Variants in TTN observed in about 807,000 individuals in gnomAD.
TTN encodes titin, also known as connectin.
A neutral mutation model predicts 3,223.0 loss-of-function variants in TTN; 1,525 were observed. The ratio of observed to expected loss-of-function variants is 0.47; its 90% confidence interval spans 0.45 to 0.49. TTN has a LOEUF of 0.49. Ranked by LOEUF, TTN falls within the 20% of genes least tolerant of loss-of-function variation. The pLI is 0.00. For synonymous variants in TTN, 14,094 were observed against 15,161.0 expected, an observed-to-expected ratio of 0.93 and a Z score of 5.17; for missense variants, 40,786 against 43,424.0, an observed-to-expected ratio of 0.94 and a Z score of 5.40.
In TTN at chr2:178,777,022, G is replaced by A. The variant is rs749309926; in HGVS notation, c.4842C>T (p.Ala1614=). 6.2e-7 allele frequency: 1 copy of A among 1,613,988 alleles called. No individual in the cohort carries two copies. Among genetic ancestry groups the A allele is most frequent in the East Asian group, 2.2e-5 (1 of 44,850 alleles). The change falls in exon 28 of 363, where the codon GCC becomes GCT. Residue 1614 remains alanine (A), a synonymous_variant. Coordinates refer to ENST00000589042, the MANE Select transcript of TTN (RefSeq NM_001267550.2). ...IRIEGTKGEA[A]LKIDSTVSQD... ...GGCTGACAGTGGAATCGATTTTAAG[G>A]GCAGCTTCTCCCTTGGTTCCTTCAA...
Position 178,665,421 on chromosome 2 carries a change from A to G in TTN, c.35999T>C (p.Ile12000Thr). Reference sequence around the variant, plus strand: ...TGGCTCTTCAGGTACATCCTCAAATATTTTCATTTCAGGGACAACTTCTTT... The same window carrying G: ...TGGCTCTTCAGGTACATCCTCAAATGTTTTCATTTCAGGGACAACTTCTTT... ...AMKEVVPEMKIFEDVPEEPET... is the reference protein window; with the variant it reads ...AMKEVVPEMKTFEDVPEEPET... Residue 12000 changes from isoleucine to threonine, a missense_variant, in exon 165 of 363, where the codon ATA becomes ACA. Transcript: ENST00000589042. 1 of 1,612,432 alleles carries G rather than the reference A, an allele frequency of 6.2e-7. No individual in the cohort carries two copies. The highest frequency in any genetic ancestry group is 8.5e-7 in the Non-Finnish European group (1 of 1,179,608).
chr2:178,669,163 G>A (rs2066511836), intron 159 of TTN, among the ~76,000 whole-genome samples: 1 of 152,108 alleles, frequency 6.6e-6, no homozygotes, highest in Non-Finnish European at 1.5e-5. Flanking sequence ...CATACACTCT[G>A]ATAAGTAGAG....
rs72648940 is a variant in TTN at position 178,732,515 on chromosome 2, C to A, written c.16546G>T (p.Asp5516Tyr). The A allele has an allele frequency of 5.3e-4, 862 of 1,613,742 alleles. No homozygotes were observed. Among genetic ancestry groups the A allele is most frequent in the Non-Finnish European group, 6.7e-4 (785 of 1,179,756 alleles). ...SLELYLVKTS[D>Y]SGTYTCKVSN... ...ACTTTACATGTGTACGTGCCCGAAT[C>A]AGAGGTTTTTACTAAATAGAGTTCC... The change falls in exon 56 of 363, where the codon GAT becomes TAT. Residue 5516 changes from aspartate (D) to tyrosine (Y), a missense_variant. Asp to Tyr is a radical substitution (Grantham distance 160, BLOSUM62 -3). Transcript: ENST00000589042.
At chr2:178,771,060 G>T in intron 34 of TTN, 151 bp downstream of exon 34, 1 of 1,265,678 alleles carries the variant, frequency 7.9e-7, no homozygotes, top group South Asian at 1.4e-5. Context: ...TGTACCTTGT[G>T]GAATGTGTCT....
rs1307850517 is a variant in TTN, at chr2:178,528,376, G to A, written c.107275C>T (p.Leu35759Phe). 1 of 1,613,952 alleles carries A rather than the reference G, an allele frequency of 6.2e-7. No individual in the cohort carries two copies. The highest frequency in any genetic ancestry group is 1.7e-5 in the Admixed American group (1 of 60,020). Residue 35759 changes from leucine to phenylalanine, a missense_variant, in exon 361 of 363, where the codon CTT (leucine) becomes TTT (phenylalanine). Transcript: ENST00000589042. ...CTGACTGATGCATTTCGGATTTCAAGGGAGTATACATTTCTGGAGCGGCTT... is the reference window on the plus strand; with the variant it reads ...CTGACTGATGCATTTCGGATTTCAAAGGAGTATACATTTCTGGAGCGGCTT... ...SISRSRNVYS[L>F]EIRNASVSDS...
Position 178,546,836 on chromosome 2 carries a change from G to A in TTN, c.94592C>T (p.Ala31531Val), listed in dbSNP as rs1039995106. The change falls in exon 341 of 363, where the codon GCG becomes GTG. Residue 31531 changes from alanine (A) to valine (V), a missense_variant. By Grantham distance (64) the Ala-to-Val change is moderately conservative (BLOSUM62 0). Coordinates refer to ENST00000589042, the MANE Select transcript of TTN (RefSeq NM_001267550.2). ...CACAACCTTGCTGCCTCCATCATAC[G>A]CTGGGGCAGACCAAATCAGTGATAC... is the stretch of plus-strand genomic sequence containing the variant. ...STVSLIWSAP[A>V]YDGGSKVVGY... 1.9e-6 allele frequency: 3 copies of A among 1,608,174 alleles called. No individual in the cohort carries two copies. The highest frequency in any genetic ancestry group is 1.7e-5 in the Admixed American group (1 of 59,870).
In TTN at chr2:178,704,880, T is replaced by G; in HGVS notation, c.29691A>C (p.Thr9897=). The G allele has an allele frequency of 6.2e-7, 1 of 1,613,260 alleles. No individual in the cohort carries two copies. The highest frequency in any genetic ancestry group is 8.5e-7 in the Non-Finnish European group (1 of 1,179,708). The change falls in exon 104 of 363, where the codon ACA becomes ACC. Residue 9897 remains threonine, a synonymous_variant. Coordinates refer to ENST00000589042, the MANE Select transcript of TTN (RefSeq NM_001267550.2). ...VSFIQQRLSQ[T]EPVTLIKDIE... is the part of the protein sequence containing the mutation. ...TTATCAACATAATTCTTTTTACCTC[T>G]GTCTGTGACAGTCTTTGCTGAATAA... is the stretch of plus-strand genomic sequence containing the variant.
chr2:178,758,067 G>T (rs934616138), intron 44 of TTN, among the ~76,000 whole-genome samples, 151 bp from the exon 45 acceptor site: 2 of 152,092 alleles, frequency 1.3e-5, no homozygotes, highest in African/African-American at 4.8e-5. Context: ...CTATTGACTC[G>T]AAGTCACACA....
Position 178,590,463 on chromosome 2 carries a change from AT to A in TTN, c.61261del (p.Ile20421LeufsTer17). On this transcript the variant is annotated frameshift_variant, in exon 304 of 363. Transcript: ENST00000589042. LOFTEE classifies it high-confidence loss of function. ...TTGCCTAATGAGTTCATCTTTATTAATCCTGTTCCATTGTGCTGTGCCAGGT... is the reference window on the plus strand; with the variant it reads ...TTGCCTAATGAGTTCATCTTTATTAACCTGTTCCATTGTGCTGTGCCAGGT... ...QKPGTAQWNR[I>X]NKDELIRQCA... 1 of 1,613,078 alleles carries A rather than the reference AT, an allele frequency of 6.2e-7. No individual in the cohort carries two copies. Among genetic ancestry groups the A allele is most frequent in the Non-Finnish European group, 8.5e-7 (1 of 1,179,408 alleles).
Position 178,613,025 on chromosome 2 carries a change from T to C in TTN, c.49696A>G (p.Thr16566Ala). The C allele has an allele frequency of 6.2e-7, 1 of 1,612,764 alleles. No homozygotes were observed. Among genetic ancestry groups the C allele is most frequent in the South Asian group, 1.1e-5 (1 of 91,038 alleles). Reference protein sequence around the residue: ...GKPTVKDVGKTSVRLNWTKPE... With the variant: ...GKPTVKDVGKASVRLNWTKPE... The stretch of plus-strand genomic sequence containing the variant: ...TTTGTCCAATTCAACCTTACTGATG[T>C]TTTGCCTACATCTTTTACAGTTGGT... Residue 16566 changes from threonine (T) to alanine (A), a missense_variant, in exon 265 of 363, where the codon ACA (threonine) becomes GCA (alanine). Thr to Ala is a moderately conservative substitution (Grantham distance 58). Coordinates refer to ENST00000589042, the MANE Select transcript of TTN (RefSeq NM_001267550.2).
At position 178,571,121 on chromosome 2, in the gene TTN, C is replaced by T. The variant is rs909041164; in HGVS notation, c.75011G>A (p.Arg25004His). The stretch of plus-strand genomic sequence containing the variant: ...CCGTCCTGGTGGATCACATGGGTCA[C>T]GAGCCACATAACATTCTGATACTTT... The part of the protein sequence containing the change: ...PSKVSECYVA[R>H]DPCDPPGRPE... The change falls in exon 326 of 363, where the codon CGT (arginine) becomes CAT (histidine). Residue 25004 changes from arginine to histidine, a missense_variant. By Grantham distance (29) the Arg-to-His change is conservative (BLOSUM62 0). Coordinates refer to ENST00000589042, the MANE Select transcript of TTN (RefSeq NM_001267550.2). 1.9e-5 allele frequency: 30 copies of T among 1,613,240 alleles called. No homozygotes were observed. The highest frequency in any genetic ancestry group is 2.7e-5 in the African/African-American group (2 of 74,870).
intron 2 of TTN, among the ~76,000 whole-genome samples, chr2:178,803,840 A>AT (rs1249621146): frequency 1.3e-5 from 2 of 152,008 alleles, no homozygotes; most frequent in African/African-American, 4.8e-5. Flanking sequence ...GATACCATGC[A>AT]TTTTTTTGAA....
chr2:178,685,403 T>C, intron 128 of TTN, 73 bp from the exon 129 acceptor site: 1 of 1,476,474 alleles, frequency 6.8e-7, no homozygotes, highest in Non-Finnish European at 9.2e-7. Context: ...GGGATCTTTT[T>C]ATTAGACATG....
Position 178,725,487 on chromosome 2 carries a change from A to T in TTN, c.20717T>A (p.Val6906Glu). The T allele has an allele frequency of 1.2e-6, 2 of 1,613,316 alleles. No homozygotes were observed. The highest frequency in any genetic ancestry group is 1.7e-6 in the Non-Finnish European group (2 of 1,179,530). The stretch of plus-strand genomic sequence containing the variant: ...AAACTGTAGAGTTGCAACATTTTCC[A>T]CAAATGTAATCCTGATGTTTTCACT... ...RESENIRITF[V>E]ENVATLQFAK... The change falls in exon 71 of 363, where the codon GTG becomes GAG. Residue 6906 changes from valine to glutamate, a missense_variant. Physicochemically the swap from Val to Glu is moderately radical, Grantham distance 121. Transcript: ENST00000589042.
Position 178,530,523 on chromosome 2 carries a change from T to G in TTN, c.106092A>C (p.Glu35364Asp), listed in dbSNP as rs1407917338. 6.2e-7 allele frequency: 1 copy of G among 1,613,898 alleles called. No homozygotes were observed. Among genetic ancestry groups the G allele is most frequent in the Non-Finnish European group, 8.5e-7 (1 of 1,179,886 alleles). Residue 35364 changes from glutamate (E) to aspartate (D), a missense_variant, in exon 358 of 363, where the codon GAA (glutamate) becomes GAC (aspartate). Coordinates refer to ENST00000589042, the MANE Select transcript of TTN (RefSeq NM_001267550.2). ...QGEYVCEISG[E>D]GGTSKTNLQF... is the part of the protein sequence containing the mutation. ...GTAAGTTGGTTTTAGACGTTCCACC[T>G]TCACCAGAAATCTCACAAACATATT...
intron 6 of TTN, among the ~76,000 whole-genome samples, chr2:178,797,603 A>C (rs796609362): frequency 1.3e-5 from 2 of 152,152 alleles, no homozygotes; most frequent in Non-Finnish European, 2.9e-5. Flanking sequence ...CTTATCCAGC[A>C]TAAGCTTACG....
At position 178,568,110 on chromosome 2, in the gene TTN, C is replaced by A; in HGVS notation, c.78022G>T (p.Val26008Phe). ...FATAISKDSM[V>F]IQWHEPVNNG... The stretch of plus-strand genomic sequence containing the variant: ...TTGACTGGTTCATGCCACTGTATGA[C>A]CATGGAGTCTTTGGAAATGGCTGTG... The change falls in exon 326 of 363, where the codon GTC becomes TTC. Residue 26008 changes from valine (V) to phenylalanine (F), a missense_variant. Val to Phe is a conservative substitution (Grantham distance 50, BLOSUM62 -1). Transcript: ENST00000589042. The A allele has an allele frequency of 6.2e-7, 1 of 1,613,376 alleles. No homozygotes were observed. Among genetic ancestry groups the A allele is most frequent in the East Asian group, 2.2e-5 (1 of 44,786 alleles).
In TTN at chr2:178,536,144, C is replaced by A; in HGVS notation, c.100603G>T (p.Glu33535Ter). ...TATTTTAATCCATCTGCAATGATTT[C>A]TTTGCCTTGTCTGTACCATTTGACG... ...PIVKWYRQGK[E>*]IIADGLKYRI... is the part of the protein sequence containing the mutation. Residue 33535 changes from glutamate (E) to a stop codon, truncating the protein, a stop_gained, in exon 357 of 363, where the codon GAA becomes TAA. Transcript: ENST00000589042. LOFTEE classifies it high-confidence loss of function. The A allele has an allele frequency of 6.2e-7, 1 of 1,613,680 alleles. No homozygotes were observed. The highest frequency in any genetic ancestry group is 8.5e-7 in the Non-Finnish European group (1 of 1,179,714).
Position 178,531,880 on chromosome 2 carries a change from T to C in TTN, c.104735A>G (p.Glu34912Gly), listed in dbSNP as rs1689252783. Residue 34912 changes from glutamate (E) to glycine (G), a missense_variant, in exon 358 of 363, where the codon GAG becomes GGG. Transcript: ENST00000589042. Reference protein sequence around the residue: ...SARFDIFSRYESMKAALKTQK... With the variant: ...SARFDIFSRYGSMKAALKTQK... The stretch of plus-strand genomic sequence containing the variant: ...AGTTTTTAAAGCAGCTTTCATGGAC[T>C]CATACCTGGAAAAGATATCAAATCT... The C allele has an allele frequency of 1.2e-6, 2 of 1,613,080 alleles. No individual in the cohort carries two copies. The highest frequency in any genetic ancestry group is 1.1e-5 in the South Asian group (1 of 90,990).
Sources: gnomAD v4.1 joint callset for allele counts (sites outside exome capture counted in the v4.1 genomes callset) on GRCh38, gnomAD v4.1.1 for gene constraint, MANE v1.5 for transcripts, NCBI Gene and HGNC (gene_info 2026-07-23, HGNC 2026-07-21) for gene names.